Variants in SGIP1 observed in about 807,000 individuals in gnomAD.
SGIP1 encodes SH3-containing GRB2-like protein 3-interacting protein 1.
SGIP1 carries 38 observed loss-of-function variants against 107.5 expected under a neutral mutation model. The ratio of observed to expected loss-of-function variants is 0.35; its 90% CI spans 0.27 to 0.46. The LOEUF is 0.46. Ranked by LOEUF, SGIP1 falls within the 20% of genes least tolerant of loss-of-function variation. The pLI is 1.00. For synonymous variants in SGIP1, 365 were observed against 366.1 expected (o/e 1.00, Z 0.03); for missense variants, 929 against 1,019.5 (o/e 0.91, Z 1.21).
At chr1:66,638,416 A>G (rs1241840147) in intron 4 of SGIP1, among the ~76,000 whole-genome samples, 1 of 152,206 alleles carries the variant, frequency 6.6e-6, no homozygotes, top group Non-Finnish European at 1.5e-5. Flanking sequence ...CAATGAAGGC[A>G]ATTATATGGG....
At chr1:66,740,348 T>G (rs1276578724) in intron 22 of SGIP1, among the ~76,000 whole-genome samples, 2 of 130,306 alleles carry the variant, frequency 1.5e-5, no homozygotes, top group Non-Finnish European at 3.6e-5. Context: ...TTAAATTACC[T>G]TAATTAATTG....
chr1:66,642,993 TGAATA>T, intron 6 of SGIP1, 129 bp downstream of exon 6: 3 of 726,150 alleles, frequency 4.1e-6, no homozygotes, highest in Non-Finnish European at 6.5e-6. Context: ...ATATTAGAGA[TGAATA>T]AACAGCACTG....
At chr1:66,637,779 T>TTA (rs2076070830) in intron 4 of SGIP1, among the ~76,000 whole-genome samples, 1 of 150,626 alleles carries the variant, frequency 6.6e-6, no homozygotes, top group South Asian at 2.1e-4. Context: ...GTATGTCTAT[T>TTA]TATATATATG....
In SGIP1 at chr1:66,556,079, AAAAC is replaced by A. The variant is rs745409573; in HGVS notation, c.10+21727_10+21730del. Among the ~76,000 whole-genome samples, 6 of 152,140 alleles carry A rather than the reference AAAAC, an allele frequency of 3.9e-5. No individual in the cohort carries two copies. In the East Asian group the frequency reaches 9.6e-4, roughly 24 times the overall value. ...ATCTCACCAGAGTAATGCCAAGACT[AAAAC>A]AAACAAACAAACAAAAATAGCTCCT... On this transcript the variant is annotated intron_variant, in intron 1 of 24. Coordinates refer to ENST00000371037, the MANE Select transcript of SGIP1 (RefSeq NM_032291.4).
At chr1:66,557,337 C>G (rs868625288) in intron 1 of SGIP1, among the ~76,000 whole-genome samples, 6 of 152,092 alleles carry the variant, frequency 3.9e-5, no homozygotes, top group South Asian at 4.1e-4. Flanking sequence ...ATCAAGTGCT[C>G]TAATCAAATG....
chr1:66,664,433 C>A (rs566345512), intron 8 of SGIP1, among the ~76,000 whole-genome samples: 25 of 152,090 alleles, frequency 1.6e-4, no homozygotes, highest in Non-Finnish European at 1.5e-5. Flanking sequence ...CACTCCTGGA[C>A]GTTAATCACA....
At chr1:66,569,719 A>G (rs1400970921) in intron 1 of SGIP1, among the ~76,000 whole-genome samples, 3 of 151,594 alleles carry the variant, frequency 2.0e-5, no homozygotes, top group Non-Finnish European at 4.4e-5. Flanking sequence ...TTTTCCTACA[A>G]TGTTTTTGGT....
At position 66,543,693 on chromosome 1, in the gene SGIP1, T is replaced by C. The variant is rs371084926; in HGVS notation, c.10+9325T>C. ...ATTTTCTCAGTGAGTCAGTACAGTGTGGGGGGAAGGGCCAGGACTTGAAGA... is the reference window on the plus strand; with the variant it reads ...ATTTTCTCAGTGAGTCAGTACAGTGCGGGGGGAAGGGCCAGGACTTGAAGA... On this transcript the variant is annotated intron_variant, in intron 1 of 24. Transcript: ENST00000371037. Among the ~76,000 whole-genome samples, 5 of 152,216 alleles carry C rather than the reference T, an allele frequency of 3.3e-5. No homozygotes were observed. The East Asian group carries it at 9.7e-4, about 29-fold the overall frequency.
chr1:66,569,806 C>A (rs1197370067), intron 1 of SGIP1, among the ~76,000 whole-genome samples: 1 of 151,670 alleles, frequency 6.6e-6, no homozygotes, highest in African/African-American at 2.4e-5. Flanking sequence ...AGAAAATTTT[C>A]TTTTCTAAAT....
intron 1 of SGIP1, among the ~76,000 whole-genome samples, chr1:66,564,264 C>T (rs1175333059): frequency 6.6e-6 from 1 of 151,870 alleles, no homozygotes; most frequent in Non-Finnish European, 1.5e-5. Flanking sequence ...GAGTGGCATA[C>T]CTGGACTTGA....
intron 12 of SGIP1, among the ~76,000 whole-genome samples, chr1:66,674,607 T>A (rs576293228): frequency 4.9e-4 from 75 of 152,334 alleles, no homozygotes; most frequent in African/African-American, 1.8e-3. Context: ...TGGAATTTTA[T>A]TACTCTTTCA....
chr1:66,745,544 A>G lies in SGIP1; in HGVS notation c.*2449A>G, dbSNP rs2094540976. The G allele has an allele frequency of 6.6e-6, 1 of 152,100 alleles. No individual in the cohort carries two copies. The highest frequency in any genetic ancestry group is 2.1e-4 in the South Asian group (1 of 4,830). The allele number at this position is 152,100 out of a possible 1,614,324, so 9.4% of individuals were successfully genotyped here. ...GTAGAATAAGAATTCATGTCCTGAA[A>G]ATGGTCCCAGGCAATGAAAGAGTCT... On this transcript the variant is annotated 3_prime_UTR_variant, in exon 25 of 25. Coordinates refer to ENST00000371037, the MANE Select transcript of SGIP1 (RefSeq NM_032291.4).
At chr1:66,730,399 C>T (rs2093953275) in intron 20 of SGIP1, among the ~76,000 whole-genome samples, 1 of 152,158 alleles carries the variant, frequency 6.6e-6, no homozygotes, top group Non-Finnish European at 1.5e-5. Flanking sequence ...TAATTATTTG[C>T]AGTGAATGAG....
At chr1:66,539,500 A>G (rs746208075) in intron 1 of SGIP1, among the ~76,000 whole-genome samples, 17 of 152,214 alleles carry the variant, frequency 1.1e-4, no homozygotes, top group Non-Finnish European at 1.9e-4. Flanking sequence ...GGCATCTAGA[A>G]TTAAATACTT....
intron 21 of SGIP1, among the ~76,000 whole-genome samples, chr1:66,738,980 G>C (rs543092453): frequency 6.6e-6 from 1 of 152,178 alleles, no homozygotes; most frequent in South Asian, 2.1e-4. Flanking sequence ...GAGAGGTTCT[G>C]AGCTAGGGAC....
chr1:66,648,764 G>C (rs1229445064), intron 7 of SGIP1, among the ~76,000 whole-genome samples: 1 of 152,050 alleles, frequency 6.6e-6, no homozygotes, highest in Non-Finnish European at 1.5e-5. Flanking sequence ...TAGAATTTTG[G>C]GTTAATCACA....
At chr1:66,683,982 G>T (rs924958127) in intron 15 of SGIP1, 3 of 1,406,816 alleles carry the variant, frequency 2.1e-6, no homozygotes, top group South Asian at 2.8e-5. Context: ...CTCCCAAAGT[G>T]CTGGGATTAT....
chr1:66,703,476 C>G (rs756457347), intron 18 of SGIP1, among the ~76,000 whole-genome samples: 2 of 151,672 alleles, frequency 1.3e-5, no homozygotes, highest in Non-Finnish European at 2.9e-5. Context: ...AAAGATTCCT[C>G]AATTAATGCA....
intron 5 of SGIP1, among the ~76,000 whole-genome samples, chr1:66,642,370 C>T (rs1273276736): frequency 6.6e-6 from 1 of 152,168 alleles, no homozygotes; most frequent in Non-Finnish European, 1.5e-5. Flanking sequence ...AAAGACCTCC[C>T]TGATTCTTTT....
Sources: gnomAD v4.1 joint callset for allele counts (sites outside exome capture counted in the v4.1 genomes callset) on GRCh38, gnomAD v4.1.1 for gene constraint, MANE v1.5 for transcripts, NCBI Gene and HGNC (gene_info 2026-07-23, HGNC 2026-07-21) for gene names.